Variants in CERS6 observed in about 807,000 individuals in gnomAD.
CERS6 encodes LAG1 homolog, ceramide synthase 6.
A neutral mutation model predicts 56.8 loss-of-function variants in CERS6; 26 were observed. That is an observed-to-expected ratio of 0.46 (90% CI 0.34 to 0.63). The LOEUF is 0.63. CERS6 is among the 30% of genes least tolerant of loss of function. The pLI, the probability that CERS6 is intolerant of heterozygous loss-of-function variation, is 0.01. For synonymous variants in CERS6, 164 were observed against 173.3 expected, an observed-to-expected ratio of 0.95 and a Z score of 0.42; for missense variants, 415 against 467.5, an observed-to-expected ratio of 0.89 and a Z score of 1.04.
intron 1 of CERS6, among the ~76,000 whole-genome samples, chr2:168,494,701 T>TA (rs1694433086): frequency 6.6e-6 from 1 of 151,990 alleles, no homozygotes; most frequent in South Asian, 2.1e-4. Flanking sequence ...TGAGGGGACT[T>TA]ATATACAGGG....
Position 168,552,349 on chromosome 2 carries a change from TACACACAC to T in CERS6, c.276+4683_276+4690del, listed in dbSNP as rs56340726. Among the ~76,000 whole-genome samples the T allele has an allele frequency of 2.0e-3, 281 of 140,080 alleles. 1 individual carries two copies. Among genetic ancestry groups the T allele is most frequent in the South Asian group, 2.7e-3 (11 of 4,096 alleles). 91.9% of individuals were successfully genotyped at this position (140,080 alleles called of 152,430 possible). On this transcript the variant is annotated intron_variant, in intron 2 of 9. Coordinates refer to ENST00000305747, the MANE Select transcript of CERS6 (RefSeq NM_203463.3). ...AAACCCCCACCCTACATACAGAGTA[TACACACAC>T]ACACACACACACACACACACACACA...
chr2:168,585,617 A>G (rs1394915118), intron 3 of CERS6, among the ~76,000 whole-genome samples: 5 of 152,236 alleles, frequency 3.3e-5, no homozygotes, highest in African/African-American at 1.2e-4. Context: ...CAGATGCTCC[A>G]TAGATGTTAC....
At chr2:168,547,805 T>G in intron 2 of CERS6, 104 bp downstream of exon 2, 1 of 774,878 alleles carries the variant, frequency 1.3e-6, no homozygotes, top group Admixed American at 2.1e-5. Flanking sequence ...AACTTTTGCC[T>G]AGCCTTATGC....
At chr2:168,723,819 T>C (rs894509726) in intron 8 of CERS6, among the ~76,000 whole-genome samples, 4 of 152,362 alleles carry the variant, frequency 2.6e-5, no homozygotes, top group African/African-American at 9.6e-5. Flanking sequence ...GCCAAGATAA[T>C]GTGTCTGTAT....
At chr2:168,578,860 A>G (rs1683340835) in intron 3 of CERS6, among the ~76,000 whole-genome samples, 1 of 152,302 alleles carries the variant, frequency 6.6e-6, no homozygotes, top group East Asian at 1.9e-4. Flanking sequence ...TCTGATAATT[A>G]TCTCAACATT....
chr2:168,675,264 G>A (rs923868585), intron 4 of CERS6, among the ~76,000 whole-genome samples: 17 of 151,796 alleles, frequency 1.1e-4, no homozygotes, highest in Non-Finnish European at 2.1e-4. Context: ...GAGCCACCGC[G>A]CCCAGTTTAC....
rs1574231193 is a variant in CERS6 at position 168,766,206 on chromosome 2, G to A, written c.1002+458G>A. Reference sequence around the variant, plus strand: ...TTAAAAGTGGACTTGAGGTTGATTCGAATAAAGCTTCCTAAGCCTCAGCCC... The same window carrying A: ...TTAAAAGTGGACTTGAGGTTGATTCAAATAAAGCTTCCTAAGCCTCAGCCC... On this transcript the variant is annotated intron_variant, in intron 9 of 9. Coordinates refer to ENST00000305747, the MANE Select transcript of CERS6 (RefSeq NM_203463.3). 3.3e-5 allele frequency: 30 copies of A among 911,682 alleles called. No individual in the cohort carries two copies. The East Asian group carries it at 4.4e-4, about 13-fold the overall frequency. The allele number at this position is 911,682 out of a possible 1,614,324, so 56.5% of individuals were successfully genotyped here.
intron 1 of CERS6, among the ~76,000 whole-genome samples, chr2:168,477,464 A>T (rs544629054): frequency 6.6e-6 from 1 of 152,316 alleles, no homozygotes; most frequent in East Asian, 1.9e-4. Context: ...TTGAAAAGTC[A>T]ACTTTTTTCT....
At chr2:168,587,966 GT>G (rs1683582938) in intron 3 of CERS6, among the ~76,000 whole-genome samples, 1 of 151,966 alleles carries the variant, frequency 6.6e-6, no homozygotes, top group Non-Finnish European at 1.5e-5. Flanking sequence ...CACTCTTGTT[GT>G]CCAGGCTGGA....
intron 3 of CERS6, among the ~76,000 whole-genome samples, chr2:168,573,072 A>G (rs549639234): frequency 1.1e-4 from 16 of 152,234 alleles, no homozygotes; most frequent in African/African-American, 2.2e-4. Flanking sequence ...TGAATTTTCA[A>G]TGGTGGTTAC....
intron 1 of CERS6, among the ~76,000 whole-genome samples, chr2:168,510,606 T>G (rs72875906): frequency 0.19 from 29,110 of 152,214 alleles, 3,204 homozygotes; most frequent in Non-Finnish European, 0.26. Context: ...TTAAGTGAAG[T>G]GTGACTGTGT....
At chr2:168,760,824 C>G (rs1454975603) in intron 8 of CERS6, among the ~76,000 whole-genome samples, 1 of 151,774 alleles carries the variant, frequency 6.6e-6, no homozygotes, top group African/African-American at 2.4e-5. Flanking sequence ...GGCGCGATCT[C>G]GGCTCACTGC....
At chr2:168,626,780 C>A (rs992664055) in intron 3 of CERS6, among the ~76,000 whole-genome samples, 11 of 152,126 alleles carry the variant, frequency 7.2e-5, no homozygotes, top group Non-Finnish European at 1.3e-4. Context: ...ACTGGTCTTA[C>A]AAGGTTGCTT....
At position 168,770,920 on chromosome 2, in the gene CERS6, G is replaced by T. The variant is rs1684846891; in HGVS notation, c.*1258G>T. On this transcript the variant is annotated 3_prime_UTR_variant, in exon 10 of 10. Coordinates refer to ENST00000305747, the MANE Select transcript of CERS6 (RefSeq NM_203463.3). ...AAATGAAAAATTCTATTGGACAATG[G>T]CAATATCAACAATGAGGAAAATTAC... 4 of 152,048 alleles carry T rather than the reference G, an allele frequency of 2.6e-5. No homozygotes were observed. The highest frequency in any genetic ancestry group is 2.6e-4 in the Admixed American group (4 of 15,256). The allele number at this position is 152,048 out of a possible 1,614,324, so 9.4% of individuals were successfully genotyped here. A position where few individuals can be genotyped will look rare whatever the true frequency, so the allele number is the denominator to read the frequency against.
At chr2:168,526,873 G>A (rs1030327380) in intron 1 of CERS6, among the ~76,000 whole-genome samples, 3 of 152,216 alleles carry the variant, frequency 2.0e-5, no homozygotes, top group Non-Finnish European at 4.4e-5. Flanking sequence ...TTCTGTATTA[G>A]CCTGTGCTAT....
intron 4 of CERS6, among the ~76,000 whole-genome samples, chr2:168,680,917 G>A (rs747872946): frequency 1.4e-4 from 21 of 152,168 alleles, no homozygotes; most frequent in Non-Finnish European, 2.4e-4. Context: ...CATGTACTAT[G>A]TCCTTAACCA....
intron 3 of CERS6, among the ~76,000 whole-genome samples, chr2:168,594,475 C>T (rs1479069160): frequency 6.6e-6 from 1 of 152,058 alleles, no homozygotes; most frequent in African/African-American, 2.4e-5. Flanking sequence ...GTCCCAGTTA[C>T]TAGGGAGACT....
At chr2:168,480,815 T>C (rs1351563353) in intron 1 of CERS6, among the ~76,000 whole-genome samples, 2 of 151,888 alleles carry the variant, frequency 1.3e-5, no homozygotes, top group South Asian at 2.1e-4. Flanking sequence ...TGAAATAGAG[T>C]AGACATATAT....
chr2:168,732,230 C>G (rs141720379), intron 8 of CERS6, among the ~76,000 whole-genome samples: 129 of 152,274 alleles, frequency 8.5e-4, no homozygotes, highest in African/African-American at 2.9e-3. Context: ...TCCTGAAGCA[C>G]TGTTATAATG....
Sources: gnomAD v4.1 joint callset for allele counts (sites outside exome capture counted in the v4.1 genomes callset) on GRCh38, gnomAD v4.1.1 for gene constraint, MANE v1.5 for transcripts, NCBI Gene and HGNC (gene_info 2026-07-23, HGNC 2026-07-21) for gene names.